MINDY4: variants seen among roughly 807,000 people sequenced by gnomAD.
MINDY4 encodes MINDY lysine 48 deubiquitinase 4.
Under a neutral mutation model 87.0 loss-of-function variants are expected in MINDY4, and 68 were observed. The ratio of observed to expected loss-of-function variants is 0.78; its 90% CI spans 0.64 to 0.96. MINDY4 has a LOEUF of 0.96. MINDY4 is among the 40% of genes least tolerant of loss of function. MINDY4 has a pLI of 0.00. For synonymous variants in MINDY4, 379 were observed against 363.2 expected, an observed-to-expected ratio of 1.04 and a Z score of -0.50; for missense variants, 919 against 928.2, an observed-to-expected ratio of 0.99 and a Z score of 0.13.
rs76832257 is a variant in MINDY4 at position 30,820,357 on chromosome 7, C to T, written c.1074-8322C>T. Among the ~76,000 whole-genome samples, 843 of 151,778 alleles carry T rather than the reference C, an allele frequency of 5.6e-3. 8 individuals carry two copies. The highest frequency in any genetic ancestry group is 0.02 in the African/African-American group (810 of 41,354). On this transcript the variant is annotated intron_variant, in intron 5 of 17. Coordinates refer to ENST00000265299, the MANE Select transcript of MINDY4 (RefSeq NM_032222.3). Reference sequence around the variant, plus strand: ...CACATTTTTTCTTTATATAATTTCTCCTCTTTTCTTGCTTTCTTATTTTTT... The same window carrying T: ...CACATTTTTTCTTTATATAATTTCTTCTCTTTTCTTGCTTTCTTATTTTTT...
At chr7:30,797,947 T>G (rs993587023) in intron 5 of MINDY4, among the ~76,000 whole-genome samples, 1 of 152,092 alleles carries the variant, frequency 6.6e-6, no homozygotes, top group African/African-American at 2.4e-5. Flanking sequence ...GAGAAGTGCA[T>G]TTTCAGAAGC....
chr7:30,865,855 G>A lies in MINDY4; in HGVS notation c.1746-6388G>A, dbSNP rs555247121. Among the ~76,000 whole-genome samples the A allele has an allele frequency of 5.9e-5, 9 of 152,300 alleles. No homozygotes were observed. In the East Asian group the frequency reaches 1.4e-3, roughly 23 times the overall value. ...CAATCGAAGACCCTGTGCCTGCATCGTCTTCCCTGGACTGTGGGAGGGGTA... is the reference window on the plus strand; with the variant it reads ...CAATCGAAGACCCTGTGCCTGCATCATCTTCCCTGGACTGTGGGAGGGGTA... On this transcript the variant is annotated intron_variant, in intron 13 of 17. Transcript: ENST00000265299.
intron 17 of MINDY4, among the ~76,000 whole-genome samples, chr7:30,888,755 G>C (rs1275621260): frequency 6.6e-6 from 1 of 152,198 alleles, no homozygotes. Context: ...ATTGCAAACT[G>C]CTTCCCTCTG....
intron 6 of MINDY4, 97 bp downstream of exon 6, chr7:30,828,834 TC>T: frequency 8.7e-7 from 1 of 1,145,340 alleles, no homozygotes; most frequent in Non-Finnish European, 1.3e-6. Flanking sequence ...CCCCTTTCCT[TC>T]CACCTGACCT....
intron 9 of MINDY4, among the ~76,000 whole-genome samples, chr7:30,848,163 A>G (rs1322176831): frequency 1.3e-5 from 2 of 152,300 alleles, no homozygotes; most frequent in East Asian, 3.9e-4. Flanking sequence ...GAGTTTTTCC[A>G]GCTTAGGTGT....
intron 13 of MINDY4, among the ~76,000 whole-genome samples, chr7:30,869,313 G>A (rs1395250671): frequency 6.6e-6 from 1 of 152,224 alleles, no homozygotes; most frequent in Admixed American, 6.5e-5. Context: ...GGAGGAGAAG[G>A]ATGGGACAAG....
rs73685802 is a variant in MINDY4, at chr7:30,815,381, G to A, written c.1074-13298G>A. ...GGCTGCCAGGAAGCCCTAATCAGAG[G>A]CAGCCTTAGTGGCCCACCCACACCT... On this transcript the variant is annotated intron_variant, in intron 5 of 17. Coordinates refer to ENST00000265299, the MANE Select transcript of MINDY4 (RefSeq NM_032222.3). Among the ~76,000 whole-genome samples the A allele has an allele frequency of 9.0e-3, 1,369 of 152,312 alleles. 23 individuals are homozygous for A. The highest frequency in any genetic ancestry group is 0.031 in the African/African-American group (1,306 of 41,562).
At chr7:30,888,645 A>G (rs936735223) in intron 17 of MINDY4, among the ~76,000 whole-genome samples, 1 of 152,096 alleles carries the variant, frequency 6.6e-6, no homozygotes, top group Non-Finnish European at 1.5e-5. Flanking sequence ...AACCATTCCA[A>G]TCGGGGAACG....
At chr7:30,865,323 C>T (rs1789900356) in intron 13 of MINDY4, among the ~76,000 whole-genome samples, 2 of 152,254 alleles carry the variant, frequency 1.3e-5, no homozygotes, top group African/African-American at 4.8e-5. Flanking sequence ...AAACTCCAGC[C>T]GAACTTTGAC....
chr7:30,847,225 CTG>C (rs1373888633), intron 9 of MINDY4, among the ~76,000 whole-genome samples: 1 of 152,180 alleles, frequency 6.6e-6, no homozygotes, highest in Non-Finnish European at 1.5e-5. Flanking sequence ...TTCTAGAAAA[CTG>C]TGTCTCAAAA....
chr7:30,791,537 G>A lies in MINDY4; in HGVS notation c.1036G>A (p.Ala346Thr). 6.2e-7 allele frequency: 1 copy of A among 1,613,538 alleles called. No individual in the cohort carries two copies. Among genetic ancestry groups the A allele is most frequent in the Non-Finnish European group, 8.5e-7 (1 of 1,179,668 alleles). ...GATGACCCAGGAGAGGCTGGAAAGA[G>A]CGTTCAAACGGCAGGGCAGCCAGCC... ...SRMTQERLERAFKRQGSQPAP... is the reference protein window; with the variant it reads ...SRMTQERLERTFKRQGSQPAP... Residue 346 changes from alanine (A) to threonine (T), a missense_variant, in exon 5 of 18, where the codon GCG becomes ACG. Ala to Thr is a moderately conservative substitution (Grantham distance 58). Coordinates refer to ENST00000265299, the MANE Select transcript of MINDY4 (RefSeq NM_032222.3).
chr7:30,802,075 G>A (rs1174424573), intron 5 of MINDY4, among the ~76,000 whole-genome samples: 2 of 152,176 alleles, frequency 1.3e-5, no homozygotes, highest in Non-Finnish European at 2.9e-5. Flanking sequence ...GGAGATGAGT[G>A]TGAGAGAGCA....
At chr7:30,824,077 G>A (rs545366880) in intron 5 of MINDY4, among the ~76,000 whole-genome samples, 1 of 152,238 alleles carries the variant, frequency 6.6e-6, no homozygotes, top group East Asian at 1.9e-4. Context: ...GTTTTCTGTA[G>A]CATATAACAG....
chr7:30,891,922 A>T (rs1291198537), intron 17 of MINDY4, 35 bp from the exon 18 acceptor site: 6 of 1,612,102 alleles, frequency 3.7e-6, no homozygotes, highest in Non-Finnish European at 4.2e-6. Context: ...CTGAAGCTTG[A>T]TCTCTCTTTG....
chr7:30,830,770 G>A (rs1439531392), intron 6 of MINDY4, among the ~76,000 whole-genome samples: 1 of 152,208 alleles, frequency 6.6e-6, no homozygotes, highest in African/African-American at 2.4e-5. Flanking sequence ...AGCTTCCATA[G>A]TGTGTAGGTA....
chr7:30,836,553 T>C, intron 6 of MINDY4, 105 bp from the exon 7 acceptor site: 1 of 936,718 alleles, frequency 1.1e-6, no homozygotes, highest in East Asian at 2.4e-5. Flanking sequence ...CTCCTTTCAC[T>C]CAAACCTTCT....
chr7:30,781,813 A>G (rs1787015359), intron 2 of MINDY4, 164 bp from the exon 3 acceptor site: 1 of 605,192 alleles, frequency 1.7e-6, no homozygotes, highest in East Asian at 2.8e-5. Flanking sequence ...TACCCAACAT[A>G]GTACCTGACA....
At chr7:30,869,294 G>C (rs902218663) in intron 13 of MINDY4, among the ~76,000 whole-genome samples, 1 of 152,212 alleles carries the variant, frequency 6.6e-6, no homozygotes, top group Non-Finnish European at 1.5e-5. Context: ...AGATCCAGGG[G>C]CTGATAGAGG....
intron 5 of MINDY4, among the ~76,000 whole-genome samples, chr7:30,798,781 A>AGCCACTGCGCCCAGCCCTGC (rs1172622999): frequency 1.5e-4 from 23 of 152,166 alleles, no homozygotes; most frequent in Non-Finnish European, 3.4e-4. Flanking sequence ...TACAGGCGTG[A>AGCCACTGCGCCCAGCCCTGC]GCCACTGCGC....
Sources: gnomAD v4.1 joint callset for allele counts (sites outside exome capture counted in the v4.1 genomes callset) on GRCh38, gnomAD v4.1.1 for gene constraint, MANE v1.5 for transcripts, NCBI Gene and HGNC (gene_info 2026-07-23, HGNC 2026-07-21) for gene names.